NTM: variants seen among roughly 807,000 people sequenced by gnomAD.
The protein encoded by NTM is IgLON family member 2.
NTM carries 13 observed loss-of-function variants against 42.1 expected under a neutral mutation model. The ratio of observed to expected loss-of-function variants is 0.31; its 90% CI spans 0.20 to 0.49. The LOEUF (loss-of-function observed/expected upper bound fraction) is 0.49. NTM is among the 20% of genes least tolerant of loss of function. The pLI, the probability that NTM is intolerant of heterozygous loss-of-function variation, is 0.99. For synonymous variants in NTM, 187 were observed against 179.2 expected (o/e 1.04, Z -0.35); for missense variants, 373 against 452.8 (o/e 0.82, Z 1.60).
At chr11:131,467,488 A>G (rs1236775047) in intron 1 of NTM, among the ~76,000 whole-genome samples, 1 of 152,174 alleles carries the variant, frequency 6.6e-6, no homozygotes, top group Non-Finnish European at 1.5e-5. Flanking sequence ...TTATCTGGCC[A>G]AGTGGAGAGC....
intron 1 of NTM, among the ~76,000 whole-genome samples, chr11:131,614,058 TG>T (rs2061688751): frequency 6.6e-6 from 1 of 152,212 alleles, no homozygotes; most frequent in Non-Finnish European, 1.5e-5. Flanking sequence ...TCTCAATACC[TG>T]GGTGCACCAT....
intron 1 of NTM, among the ~76,000 whole-genome samples, chr11:131,377,340 C>T (rs754863158): frequency 1.3e-5 from 2 of 152,188 alleles, no homozygotes; most frequent in Non-Finnish European, 1.5e-5. Context: ...CTGGTTGATG[C>T]TGAACATCAC....
At chr11:132,269,650 C>A (rs765325222) in intron 4 of NTM, among the ~76,000 whole-genome samples, 20 of 152,204 alleles carry the variant, frequency 1.3e-4, no homozygotes, top group Non-Finnish European at 1.9e-4. Context: ...TTTCTGACTT[C>A]AATTCAGTGT....
intron 2 of NTM, among the ~76,000 whole-genome samples, chr11:131,989,623 GA>G (rs2066662919): frequency 6.6e-6 from 1 of 152,096 alleles, no homozygotes; most frequent in Non-Finnish European, 1.5e-5. Flanking sequence ...GTATCAGTCA[GA>G]TTGGCTAAAT....
At chr11:131,918,496 A>T (rs1412270496) in intron 2 of NTM, among the ~76,000 whole-genome samples, 1 of 152,028 alleles carries the variant, frequency 6.6e-6, no homozygotes, top group Non-Finnish European at 1.5e-5. Context: ...CACAATGATT[A>T]CTCTGATTTT....
intron 6 of NTM, among the ~76,000 whole-genome samples, chr11:132,314,212 C>T (rs892193183): frequency 6.6e-6 from 1 of 152,148 alleles, no homozygotes; most frequent in Admixed American, 6.5e-5. Context: ...ATTTGAACCA[C>T]CTACTGTGTG....
intron 1 of NTM, among the ~76,000 whole-genome samples, chr11:131,409,058 C>T (rs1413331762): frequency 6.6e-6 from 1 of 152,196 alleles, no homozygotes; most frequent in African/African-American, 2.4e-5. Context: ...ATTATCTGCA[C>T]CCTCCAAAGC....
At chr11:132,262,856 A>G (rs1207766892) in intron 4 of NTM, among the ~76,000 whole-genome samples, 1 of 152,214 alleles carries the variant, frequency 6.6e-6, no homozygotes, top group East Asian at 1.9e-4. Context: ...CCAAAGTCTC[A>G]TTTAAATATC....
At chr11:131,791,634 T>C (rs2090955029) in intron 1 of NTM, among the ~76,000 whole-genome samples, 1 of 152,192 alleles carries the variant, frequency 6.6e-6, no homozygotes, top group Non-Finnish European at 1.5e-5. Flanking sequence ...TAGAAGACTT[T>C]TGCAAGGACA....
At chr11:131,524,896 C>T (rs1185383277) in intron 1 of NTM, among the ~76,000 whole-genome samples, 3 of 152,212 alleles carry the variant, frequency 2.0e-5, no homozygotes, top group African/African-American at 7.2e-5. Context: ...GTTGCCTTAG[C>T]TGTGAAAGGG....
chr11:131,547,463 T>G (rs1022431670), intron 1 of NTM, among the ~76,000 whole-genome samples: 3 of 152,178 alleles, frequency 2.0e-5, no homozygotes, highest in African/African-American at 4.8e-5. Flanking sequence ...GAGCCTTCGG[T>G]GGCAGATGCC....
rs1015507945 is a variant in NTM at position 132,321,055 on chromosome 11, A to G, written c.934+6352A>G. Among the ~76,000 whole-genome samples the G allele has an allele frequency of 7.2e-5, 11 of 152,020 alleles. No individual in the cohort carries two copies. In the East Asian group the frequency reaches 1.2e-3, roughly 16 times the overall value. ...CACCATCATCAAAGACCAAAAGTAG[A>G]TAAAACCACAAAGATGGGGAAAAAA... On this transcript the variant is annotated intron_variant, in intron 7 of 8. Coordinates refer to ENST00000683400, the MANE Select transcript of NTM (RefSeq NM_001352005.2).
At chr11:131,466,339 T>C (rs377513570) in intron 1 of NTM, among the ~76,000 whole-genome samples, 10 of 152,262 alleles carry the variant, frequency 6.6e-5, no homozygotes, top group African/African-American at 2.4e-4. Flanking sequence ...GTGCATTTTA[T>C]TTAATCCTTA....
At chr11:132,184,202 T>G (rs2078047024) in intron 3 of NTM, among the ~76,000 whole-genome samples, 1 of 152,210 alleles carries the variant, frequency 6.6e-6, no homozygotes, top group Non-Finnish European at 1.5e-5. Context: ...GAGGGAACTT[T>G]CCCTGACACT....
intron 4 of NTM, among the ~76,000 whole-genome samples, chr11:132,267,451 G>T (rs912166418): frequency 4.7e-5 from 7 of 148,360 alleles, no homozygotes; most frequent in African/African-American, 1.7e-4. Flanking sequence ...AAATCCACAC[G>T]CAAGCCCTTA....
intron 1 of NTM, among the ~76,000 whole-genome samples, chr11:131,840,147 A>T (rs2044047831): frequency 6.6e-6 from 1 of 152,208 alleles, no homozygotes; most frequent in South Asian, 2.1e-4. Context: ...TCAGGAATGT[A>T]CCAGACACAT....
chr11:131,535,248 AACAAGGCACTATCT>A (rs2051988498), intron 1 of NTM: 1 of 152,230 alleles, frequency 6.6e-6, no homozygotes, highest in Non-Finnish European at 1.5e-5. Context: ...GAGGCAGGGG[AACAAGGCACTATCT>A]TGTCTTCCGG....
chr11:131,785,511 A>C (rs2088993495), intron 1 of NTM, among the ~76,000 whole-genome samples: 1 of 152,228 alleles, frequency 6.6e-6, no homozygotes, highest in African/African-American at 2.4e-5. Context: ...ATCCTTTTCC[A>C]CTGAAAGAAA....
At chr11:131,484,426 A>G (rs1264303020) in intron 1 of NTM, among the ~76,000 whole-genome samples, 1 of 152,132 alleles carries the variant, frequency 6.6e-6, no homozygotes, top group Non-Finnish European at 1.5e-5. Context: ...CTTCCTTTGA[A>G]TTTGCCAGTT....
Sources: allele counts gnomAD v4.1 joint callset (sites outside exome capture counted in the v4.1 genomes callset), GRCh38; gene constraint gnomAD v4.1.1; transcripts MANE v1.5; gene names NCBI Gene and HGNC (gene_info 2026-07-23, HGNC 2026-07-21).